DSCAM: variants seen among roughly 807,000 people sequenced by gnomAD.
The protein encoded by DSCAM is DS cell adhesion molecule, also known as cell adhesion molecule DSCAM.
DSCAM carries 47 observed loss-of-function variants against 217.7 expected under a neutral mutation model. The observed-to-expected ratio is 0.22, with a 90% confidence interval of 0.17 to 0.28. DSCAM has a LOEUF of 0.28. DSCAM is among the 10% of genes least tolerant of loss of function. The probability of loss-of-function intolerance (pLI) is 1.00; values close to 1 mark genes in which losing one functional copy is unlikely to be tolerated. For synonymous variants in DSCAM, 1,056 were observed against 1,015.3 expected, an observed-to-expected ratio of 1.04 and a Z score of -0.76; for missense variants, 2,080 against 2,618.3, an observed-to-expected ratio of 0.79 and a Z score of 4.49.
rs939240539 is a variant in DSCAM at position 40,012,434 on chromosome 21, T to A, written c.*600A>T. The A allele has an allele frequency of 6.6e-6, 1 of 152,220 alleles. No individual in the cohort carries two copies. Among genetic ancestry groups the A allele is most frequent in the African/African-American group, 2.4e-5 (1 of 41,450 alleles). The allele number at this position is 152,220 out of a possible 1,614,324, so 9.4% of individuals were successfully genotyped here. ...GAAATAAAGGCAGACAACCTTTTCT[T>A]TTTTATTTCGCTTAGACAAAATGCA... is the stretch of plus-strand genomic sequence containing the variant. On this transcript the variant is annotated 3_prime_UTR_variant, in exon 33 of 33. Coordinates refer to ENST00000400454, the MANE Select transcript of DSCAM (RefSeq NM_001389.5).
intron 3 of DSCAM, among the ~76,000 whole-genome samples, chr21:40,492,969 G>C (rs2076088180): frequency 6.6e-6 from 1 of 151,806 alleles, no homozygotes; most frequent in Non-Finnish European, 1.5e-5. Context: ...AAAGAGAGGA[G>C]CCTGAAAACA....
intron 11 of DSCAM, among the ~76,000 whole-genome samples, chr21:40,260,449 A>T (rs1314611783): frequency 1.3e-5 from 2 of 152,196 alleles, no homozygotes; most frequent in Non-Finnish European, 2.9e-5. Flanking sequence ...GACACTTGCC[A>T]TGACCTGCCA....
intron 1 of DSCAM, among the ~76,000 whole-genome samples, chr21:40,843,903 C>T (rs1422802388): frequency 6.7e-6 from 1 of 148,218 alleles, no homozygotes; most frequent in Non-Finnish European, 1.5e-5. Context: ...TTGTTGTCTA[C>T]TGTTAAAATG....
Position 40,228,636 on chromosome 21 carries a change from C to CTCTCTCTT in DSCAM, c.2357-39399_2357-39398insAAGAGAGA, listed in dbSNP as rs1287260085. On this transcript the variant is annotated intron_variant, in intron 11 of 32. Coordinates refer to ENST00000400454, the MANE Select transcript of DSCAM (RefSeq NM_001389.5). ...TTTTATCCTTTCTTTCCCCCTCCAC[C>CTCTCTCTT]TCTTTTCTTTTTTTTTTTTTTCTTG... Among the ~76,000 whole-genome samples, 345 of 147,104 alleles carry CTCTCTCTT rather than the reference C, an allele frequency of 2.3e-3. 1 individual carries two copies. Among genetic ancestry groups the CTCTCTCTT allele is most frequent in the African/African-American group, 5.8e-3 (226 of 39,198 alleles).
At chr21:40,368,766 A>G (rs1372050847) in intron 4 of DSCAM, among the ~76,000 whole-genome samples, 1 of 152,180 alleles carries the variant, frequency 6.6e-6, no homozygotes, top group Non-Finnish European at 1.5e-5. Context: ...GGTATTTTGT[A>G]TTTGGTTTTA....
chr21:40,467,136 C>G (rs1002733972), intron 3 of DSCAM, among the ~76,000 whole-genome samples: 3 of 152,172 alleles, frequency 2.0e-5, no homozygotes, highest in African/African-American at 7.2e-5. Context: ...TGTATTTAAA[C>G]AATCAAGACA....
intron 1 of DSCAM, among the ~76,000 whole-genome samples, chr21:40,777,205 T>G (rs767302977): frequency 2.6e-5 from 4 of 152,186 alleles, no homozygotes; most frequent in Non-Finnish European, 5.9e-5. Flanking sequence ...CTTGGGCTTC[T>G]TTTATAAGGG....
At chr21:40,201,813 TA>T (rs537182355) in intron 11 of DSCAM, among the ~76,000 whole-genome samples, 1 of 152,016 alleles carries the variant, frequency 6.6e-6, no homozygotes, top group African/African-American at 2.4e-5. Context: ...TCAATGATAG[TA>T]AAAAAATAAA....
chr21:40,160,864 G>C (rs1339279695), intron 16 of DSCAM, among the ~76,000 whole-genome samples: 1 of 152,174 alleles, frequency 6.6e-6, no homozygotes, highest in African/African-American at 2.4e-5. Flanking sequence ...ACTCTTAGAA[G>C]AAACCATCCA....
intron 4 of DSCAM, among the ~76,000 whole-genome samples, chr21:40,358,594 G>T (rs1465236474): frequency 6.6e-6 from 1 of 152,074 alleles, no homozygotes; most frequent in Non-Finnish European, 1.5e-5. Context: ...ATCACATGAG[G>T]TGAAGAGTTC....
At chr21:40,133,759 A>T (rs2090178458) in intron 19 of DSCAM, 95 bp downstream of exon 19, 3 of 1,445,454 alleles carry the variant, frequency 2.1e-6, no homozygotes, top group Non-Finnish European at 2.8e-6. Flanking sequence ...TTGCACTGAG[A>T]ATAGCCTGAT....
chr21:40,157,704 T>G (rs202242028), intron 16 of DSCAM, among the ~76,000 whole-genome samples: 6 of 20,554 alleles, frequency 2.9e-4, no homozygotes, highest in African/African-American at 6.3e-4. Context: ...TTTCTTTTTT[T>G]TTTTTTTCCT....
intron 3 of DSCAM, among the ~76,000 whole-genome samples, chr21:40,522,267 G>A (rs371412969): frequency 1.8e-4 from 27 of 152,266 alleles, no homozygotes; most frequent in African/African-American, 6.3e-4. Context: ...CTTAGGAGAA[G>A]AGCTAAGCAA....
At chr21:40,637,929 C>G (rs2089828711) in intron 3 of DSCAM, among the ~76,000 whole-genome samples, 1 of 151,740 alleles carries the variant, frequency 6.6e-6, no homozygotes, top group African/African-American at 2.4e-5. Flanking sequence ...GGTGATCCAC[C>G]CACCTCGACC....
intron 8 of DSCAM, 104 bp from the exon 9 acceptor site, chr21:40,312,463 T>A (rs545331549): frequency 1.5e-6 from 2 of 1,310,698 alleles, no homozygotes; most frequent in Non-Finnish European, 2.1e-6. Context: ...CGATCATAGA[T>A]ACAGCATAGA....
intron 11 of DSCAM, among the ~76,000 whole-genome samples, chr21:40,196,970 T>G (rs2146847488): frequency 6.6e-6 from 1 of 152,348 alleles, no homozygotes; most frequent in East Asian, 1.9e-4. Flanking sequence ...TGCATCTATA[T>G]TAACAAAGGT....
intron 3 of DSCAM, among the ~76,000 whole-genome samples, chr21:40,377,898 AG>A (rs1178418766): frequency 6.6e-6 from 1 of 152,182 alleles, no homozygotes; most frequent in Non-Finnish European, 1.5e-5. Flanking sequence ...ACCTGTACAA[AG>A]GGGCAATATT....
rs539746541 is a variant in DSCAM, at chr21:40,434,340, C to T, written c.509-65095G>A. Among the ~76,000 whole-genome samples, 85 of 152,326 alleles carry T rather than the reference C, an allele frequency of 5.6e-4. No individual in the cohort carries two copies. The South Asian group carries it at 0.015, about 26-fold the overall frequency. ...CGGAGACGCCAACAACGGCGTCAAACATCAGCAAATGAGAAATCACACATC... is the reference window on the plus strand; with the variant it reads ...CGGAGACGCCAACAACGGCGTCAAATATCAGCAAATGAGAAATCACACATC... On this transcript the variant is annotated intron_variant, in intron 3 of 32. Coordinates refer to ENST00000400454, the MANE Select transcript of DSCAM (RefSeq NM_001389.5).
chr21:40,725,714 T>G (rs2090949041), intron 1 of DSCAM, among the ~76,000 whole-genome samples: 1 of 152,142 alleles, frequency 6.6e-6, no homozygotes, highest in African/African-American at 2.4e-5. Context: ...GGTGCCATCA[T>G]TTCTGGGGTT....
Sources: gnomAD v4.1 joint callset for allele counts (sites outside exome capture counted in the v4.1 genomes callset) on GRCh38, gnomAD v4.1.1 for gene constraint, MANE v1.5 for transcripts, NCBI Gene and HGNC (gene_info 2026-07-23, HGNC 2026-07-21) for gene names.